Variants in STAB2 observed in about 807,000 individuals in gnomAD.
STAB2 encodes the protein stabilin-2.
STAB2 carries 288 observed loss-of-function variants against 338.1 expected under a neutral mutation model. The ratio of observed to expected loss-of-function variants is 0.85; its 90% CI spans 0.77 to 0.94. The LOEUF (loss-of-function observed/expected upper bound fraction) is 0.94. Among genes scored for constraint, STAB2 ranks in the 40% least tolerant of loss-of-function variants. The probability of loss-of-function intolerance (pLI) is 0.00; values close to 1 mark genes in which losing one functional copy is unlikely to be tolerated. For synonymous variants in STAB2, 1,202 were observed against 1,193.3 expected (o/e 1.01, Z -0.15); for missense variants, 3,141 against 3,210.1 (o/e 0.98, Z 0.52).
chr12:103,616,790 A>G (rs1957217222), intron 3 of STAB2, among the ~76,000 whole-genome samples: 1 of 152,140 alleles, frequency 6.6e-6, no homozygotes, highest in Non-Finnish European at 1.5e-5. Context: ...ATCTCAGCTC[A>G]AGAGGGGCCT....
At chr12:103,758,680 G>C (rs1033598773) in intron 64 of STAB2, among the ~76,000 whole-genome samples, 4 of 152,216 alleles carry the variant, frequency 2.6e-5, no homozygotes, top group Non-Finnish European at 5.9e-5. Context: ...AAGTCAGCAT[G>C]GGGGGCAAAG....
chr12:103,715,356 C>G (rs10861077), intron 42 of STAB2, among the ~76,000 whole-genome samples: 18,399 of 152,024 alleles, frequency 0.12, 2,205 homozygotes, highest in African/African-American at 0.31. Context: ...AGGAGACACA[C>G]TTTAACACCA....
intron 6 of STAB2, among the ~76,000 whole-genome samples, chr12:103,635,222 C>G (rs915537828): frequency 1.3e-5 from 2 of 152,234 alleles, no homozygotes; most frequent in African/African-American, 2.4e-5. Flanking sequence ...CAGGCATGCT[C>G]ACTGCCAGTG....
At chr12:103,759,902 T>C (rs527570626) in intron 65 of STAB2, among the ~76,000 whole-genome samples, 6 of 152,322 alleles carry the variant, frequency 3.9e-5, no homozygotes, top group African/African-American at 1.4e-4. Flanking sequence ...CAAAGAACAG[T>C]TGGGATCAAG....
chr12:103,639,686 C>G (rs904574966), intron 8 of STAB2, among the ~76,000 whole-genome samples: 6 of 125,138 alleles, frequency 4.8e-5, no homozygotes, highest in Non-Finnish European at 8.0e-5. Context: ...CCTGGGCAAC[C>G]AGAGTAAGAC....
chr12:103,673,815 G>C, intron 22 of STAB2, 92 bp from the exon 23 acceptor site: 1 of 1,361,488 alleles, frequency 7.3e-7, no homozygotes, highest in Non-Finnish European at 1.0e-6. Flanking sequence ...TGGGGGGTGA[G>C]AAGAGGTGGT....
intron 52 of STAB2, among the ~76,000 whole-genome samples, chr12:103,736,821 C>T (rs781085497): frequency 1.3e-5 from 2 of 152,088 alleles, no homozygotes; most frequent in Non-Finnish European, 2.9e-5. Context: ...TCCATCCCAT[C>T]CATAGATGCT....
At chr12:103,701,344 T>A (rs1410178825) in intron 34 of STAB2, among the ~76,000 whole-genome samples, 2 of 152,192 alleles carry the variant, frequency 1.3e-5, no homozygotes, top group Non-Finnish European at 2.9e-5. Context: ...AGCAGCATGA[T>A]TTATAGTCCT....
At chr12:103,714,277 TCTA>T (rs755088080) in intron 42 of STAB2, among the ~76,000 whole-genome samples, 10 of 152,194 alleles carry the variant, frequency 6.6e-5, no homozygotes, top group Non-Finnish European at 8.8e-5. Context: ...CACACACTGT[TCTA>T]CTATAAAGGT....
chr12:103,662,770 C>A, intron 17 of STAB2, 76 bp from the exon 18 acceptor site: 1 of 1,528,962 alleles, frequency 6.5e-7, no homozygotes, highest in South Asian at 1.3e-5. Flanking sequence ...TGCCACCATT[C>A]AGTCTGCCTG....
At chr12:103,649,609 T>C (rs562148727) in intron 10 of STAB2, among the ~76,000 whole-genome samples, 3 of 152,324 alleles carry the variant, frequency 2.0e-5, no homozygotes, top group South Asian at 2.1e-4. Context: ...AGCAAGAACA[T>C]AGATAAACCA....
chr12:103,703,179 C>A lies in STAB2; in HGVS notation c.3746C>A (p.Thr1249Asn). The change falls in exon 35 of 69, where the codon ACC becomes AAC. Residue 1249 changes from threonine (T) to asparagine (N), a missense_variant. By Grantham distance (65) the Thr-to-Asn change is moderately conservative. Transcript: ENST00000388887. ...LYVNEAPINY[T>N]NVATDKGVIH... ...GTAAATGAGGCTCCAATAAACTACA[C>A]CAATGTAGCCACTGATAAGGGAGTG... 6.2e-7 allele frequency: 1 copy of A among 1,613,904 alleles called. No individual in the cohort carries two copies. Among genetic ancestry groups the A allele is most frequent in the Non-Finnish European group, 8.5e-7 (1 of 1,180,004 alleles).
intron 30 of STAB2, among the ~76,000 whole-genome samples, chr12:103,690,741 T>G (rs1164618381): frequency 6.6e-6 from 1 of 152,220 alleles, no homozygotes; most frequent in Non-Finnish European, 1.5e-5. Flanking sequence ...ATAGCAGTGA[T>G]CCTCTAAAAT....
At chr12:103,652,911 T>C (rs1190813605) in intron 12 of STAB2, among the ~76,000 whole-genome samples, 2 of 152,094 alleles carry the variant, frequency 1.3e-5, no homozygotes, top group Non-Finnish European at 2.9e-5. Flanking sequence ...GTTATGCAAA[T>C]GGGGTTACAA....
At chr12:103,695,348 T>C (rs1216572376) in intron 31 of STAB2, among the ~76,000 whole-genome samples, 1 of 152,232 alleles carries the variant, frequency 6.6e-6, no homozygotes, top group Non-Finnish European at 1.5e-5. Context: ...TAAAATTGAA[T>C]GACTAACATC....
chr12:103,742,265 G>A (rs112338826), intron 55 of STAB2, 140 bp from the exon 56 acceptor site: 138 of 1,072,232 alleles, frequency 1.3e-4, no homozygotes, highest in Middle Eastern at 2.4e-4. Context: ...GGCCAGTGAC[G>A]TGCCTTAAAT....
At position 103,759,305 on chromosome 12, in the gene STAB2, G is replaced by A. The variant is rs374172615; in HGVS notation, c.7248+32G>A. On this transcript the variant is annotated intron_variant, in intron 65 of 68. Coordinates refer to ENST00000388887, the MANE Select transcript of STAB2 (RefSeq NM_017564.10). ...AGTCTTCTGGGCTTCTTGGGGGAAC[G>A]GGAGATAATGCATGCAAAGTTCCTG... The A allele has an allele frequency of 8.6e-5, 138 of 1,606,872 alleles. No individual in the cohort carries two copies. The African/African-American group carries it at 1.1e-3, about 13-fold the overall frequency.
chr12:103,720,252 A>G (rs568227584), intron 44 of STAB2, among the ~76,000 whole-genome samples: 347 of 152,332 alleles, frequency 2.3e-3, no homozygotes, highest in African/African-American at 8.1e-3. Flanking sequence ...TCTTGGACAA[A>G]TGACTCCTGA....
In STAB2 at chr12:103,727,109, C is replaced by T. The variant is rs149062998; in HGVS notation, c.4852-158C>T. Among the ~76,000 whole-genome samples, 14 of 152,244 alleles carry T rather than the reference C, an allele frequency of 9.2e-5. No homozygotes were observed. The East Asian group carries it at 1.7e-3, about 19-fold the overall frequency. On this transcript the variant is annotated intron_variant, in intron 46 of 68. Coordinates refer to ENST00000388887, the MANE Select transcript of STAB2 (RefSeq NM_017564.10). ...AGAAAACCACACACAATTTCAACGACGGAGAATCTGGGTTTCATTTGAATC... is the reference window on the plus strand; with the variant it reads ...AGAAAACCACACACAATTTCAACGATGGAGAATCTGGGTTTCATTTGAATC...
Sources: gnomAD v4.1 joint callset for allele counts (sites outside exome capture counted in the v4.1 genomes callset) on GRCh38, gnomAD v4.1.1 for gene constraint, MANE v1.5 for transcripts, NCBI Gene and HGNC (gene_info 2026-07-23, HGNC 2026-07-21) for gene names.